The following PHKB variants were observed in gnomAD, a reference collection of about 807,000 sequenced individuals.
The protein encoded by PHKB is phosphorylase b kinase regulatory subunit beta.
A neutral mutation model predicts 152.1 loss-of-function variants in PHKB; 122 were observed. That is an observed-to-expected ratio of 0.80 (90% CI 0.69 to 0.93). The LOEUF is 0.93. PHKB is among the 40% of genes least tolerant of loss of function. PHKB has a pLI of 0.00. For synonymous variants in PHKB, 436 were observed against 464.9 expected, an observed-to-expected ratio of 0.94 and a Z score of 0.80; for missense variants, 1,304 against 1,328.4, an observed-to-expected ratio of 0.98 and a Z score of 0.29.
intron 13 of PHKB, among the ~76,000 whole-genome samples, chr16:47,608,016 T>C (rs1169152792): frequency 6.6e-6 from 1 of 152,126 alleles, no homozygotes; most frequent in African/African-American, 2.4e-5. Context: ...CTGTGGCTAT[T>C]TTTTAATGGG....
chr16:47,668,007 A>G (rs116919920), intron 25 of PHKB, among the ~76,000 whole-genome samples: 1,809 of 152,310 alleles, frequency 0.012, 16 homozygotes, highest in Non-Finnish European at 0.02. Context: ...GCTCAGCTTC[A>G]TTACCAGAGG....
At chr16:47,490,284 T>C (rs1970125913) in intron 1 of PHKB, among the ~76,000 whole-genome samples, 1 of 152,202 alleles carries the variant, frequency 6.6e-6, no homozygotes, top group Non-Finnish European at 1.5e-5. Flanking sequence ...TGAAAAGAAT[T>C]AGAAGAAGAC....
chr16:47,648,955 ATAT>A (rs1973184317), intron 17 of PHKB, 142 bp from the exon 18 acceptor site: 1 of 649,212 alleles, frequency 1.5e-6, no homozygotes, highest in South Asian at 1.8e-5. Context: ...AAATTTTTAA[ATAT>A]TATCTGGATG....
chr16:47,693,888 T>A (rs1277600435), intron 28 of PHKB, among the ~76,000 whole-genome samples: 1 of 152,230 alleles, frequency 6.6e-6, no homozygotes, highest in Non-Finnish European at 1.5e-5. Flanking sequence ...CTTTGTTTAC[T>A]TACCAGCTTA....
chr16:47,477,393 A>C (rs1236226342), intron 1 of PHKB, among the ~76,000 whole-genome samples: 1 of 152,192 alleles, frequency 6.6e-6, no homozygotes, highest in East Asian at 1.9e-4. Context: ...TTAATTAATC[A>C]TGTTCGAAGA....
At chr16:47,565,941 C>T (rs1971557194) in intron 7 of PHKB, 5 of 939,590 alleles carry the variant, frequency 5.3e-6, no homozygotes, top group Non-Finnish European at 8.2e-6. Flanking sequence ...TCTATCATCA[C>T]GCCTATAATC....
chr16:47,679,469 T>C (rs1436808389), intron 26 of PHKB, among the ~76,000 whole-genome samples: 2 of 152,226 alleles, frequency 1.3e-5, no homozygotes, highest in African/African-American at 4.8e-5. Flanking sequence ...GTAGTTCTCC[T>C]TGAAGAGGTC....
At chr16:47,683,352 GC>G (rs1185828613) in intron 26 of PHKB, among the ~76,000 whole-genome samples, 3 of 152,336 alleles carry the variant, frequency 2.0e-5, no homozygotes, top group South Asian at 4.1e-4. Flanking sequence ...TCTGTGCCTT[GC>G]CCCCAGAGGT....
At chr16:47,651,534 TAA>T (rs2151732013) in intron 20 of PHKB, among the ~76,000 whole-genome samples, 1 of 152,350 alleles carries the variant, frequency 6.6e-6, no homozygotes, top group Non-Finnish European at 1.5e-5. Flanking sequence ...TACCAGACTT[TAA>T]GGGCAGCTCT....
At chr16:47,687,246 A>T (rs1173148792) in intron 26 of PHKB, among the ~76,000 whole-genome samples, 2 of 152,230 alleles carry the variant, frequency 1.3e-5, no homozygotes, top group African/African-American at 4.8e-5. Flanking sequence ...AAATAAAAAT[A>T]TAACTTTTCG....
chr16:47,587,652 CT>C lies in PHKB; in HGVS notation c.775-11del. The C allele has an allele frequency of 6.3e-7, 1 of 1,597,500 alleles. No individual in the cohort carries two copies. Among genetic ancestry groups the C allele is most frequent in the Non-Finnish European group, 8.6e-7 (1 of 1,165,764 alleles). ...TTTTCTTAATTTAGGAAATGTTTTT[CT>C]TTTTCTCTGTCCAGGGCTGTTCGTG... On this transcript the variant is annotated splice_polypyrimidine_tract_variant and intron_variant, in intron 8 of 30. Coordinates refer to ENST00000323584, the MANE Select transcript of PHKB (RefSeq NM_000293.3).
At chr16:47,606,127 C>T (rs1387847762) in intron 13 of PHKB, among the ~76,000 whole-genome samples, 2 of 152,234 alleles carry the variant, frequency 1.3e-5, no homozygotes, top group South Asian at 2.1e-4. Flanking sequence ...TCTGCTTCTA[C>T]TCTTCCTCCT....
intron 4 of PHKB, among the ~76,000 whole-genome samples, chr16:47,506,327 G>A (rs1291333178): frequency 6.6e-5 from 10 of 152,128 alleles, no homozygotes; most frequent in African/African-American, 2.4e-4. Context: ...ATGTTATAGA[G>A]AAAAAGTATA....
intron 1 of PHKB, among the ~76,000 whole-genome samples, chr16:47,488,691 T>C (rs953261379): frequency 5.3e-5 from 8 of 152,240 alleles, no homozygotes; most frequent in African/African-American, 7.2e-5. Flanking sequence ...GTACCATTTA[T>C]TGAATAGGGA....
At chr16:47,467,100 T>G (rs1412368761) in intron 1 of PHKB, among the ~76,000 whole-genome samples, 2 of 152,228 alleles carry the variant, frequency 1.3e-5, no homozygotes, top group Admixed American at 1.3e-4. Context: ...CACCTGATAT[T>G]TAGTAACTGC....
At chr16:47,547,754 A>G (rs1971199382) in intron 7 of PHKB, 3 of 525,668 alleles carry the variant, frequency 5.7e-6, no homozygotes, top group Non-Finnish European at 1.0e-5. Flanking sequence ...AGAAAGAAGT[A>G]GGTGTCTTTC....
chr16:47,564,990 T>C, intron 7 of PHKB: 1 of 242,802 alleles, frequency 4.1e-6, no homozygotes, highest in South Asian at 5.4e-5. Flanking sequence ...AGATGGTGAG[T>C]TTTATTTTGT....
intron 7 of PHKB, among the ~76,000 whole-genome samples, chr16:47,569,739 G>T (rs1971626616): frequency 6.6e-6 from 1 of 152,120 alleles, no homozygotes; most frequent in Non-Finnish European, 1.5e-5. Context: ...TCCTACCTCA[G>T]CCTCCCCAGT....
At chr16:47,669,894 A>G (rs2142080239) in intron 26 of PHKB, among the ~76,000 whole-genome samples, 1 of 152,344 alleles carries the variant, frequency 6.6e-6, no homozygotes, top group Non-Finnish European at 1.5e-5. Context: ...GAAGAAATCA[A>G]AATAAGGCTC....
Sources: allele counts gnomAD v4.1 joint callset (sites outside exome capture counted in the v4.1 genomes callset), GRCh38; gene constraint gnomAD v4.1.1; transcripts MANE v1.5; gene names NCBI Gene and HGNC (gene_info 2026-07-23, HGNC 2026-07-21).